The following EPC1 variants were observed in gnomAD, a reference collection of about 807,000 sequenced individuals.
EPC1 encodes enhancer of polycomb 1.
Under a neutral mutation model 98.4 loss-of-function variants are expected in EPC1, and 12 were observed. The observed-to-expected ratio is 0.12, with a 90% CI of 0.08 to 0.20. The LOEUF is 0.20. Ranked by LOEUF, EPC1 falls within the 10% of genes least tolerant of loss-of-function variation. EPC1 has a pLI of 1.00. For missense variants in EPC1, 729 were observed against 990.5 expected (o/e 0.74, Z 3.54); for synonymous variants, 357 against 363.9 (o/e 0.98, Z 0.21).
chr10:32,355,836 C>A (rs969077366), intron 1 of EPC1, among the ~76,000 whole-genome samples: 1 of 152,146 alleles, frequency 6.6e-6, no homozygotes, highest in African/African-American at 2.4e-5. Flanking sequence ...GTCTTGAACT[C>A]CAGACCGCAG....
chr10:32,346,558 G>A (rs1413870668), intron 1 of EPC1: 1 of 576,406 alleles, frequency 1.7e-6, no homozygotes, highest in South Asian at 2.0e-5. Flanking sequence ...CAGGGTCAGC[G>A]GGTGGCCTTA....
chr10:32,271,755 G>C lies in EPC1; in HGVS notation c.2168C>G (p.Thr723Arg). The change falls in exon 13 of 14, where the codon ACA (threonine) becomes AGA (arginine). Residue 723 changes from threonine to arginine, a missense_variant. Thr to Arg is a moderately conservative substitution (Grantham distance 71). Coordinates refer to ENST00000319778, the MANE Select transcript of EPC1 (RefSeq NM_001272004.3). ...SHQVTAANSATTQVLIGNNIR... is the reference protein window; with the variant it reads ...SHQVTAANSARTQVLIGNNIR... Reference sequence around the variant, plus strand: ...GTTGTTCCCAATCAGAACCTGAGTTGTTGCAGAATTGGCAGCAGTTACTTG... The same window carrying C: ...GTTGTTCCCAATCAGAACCTGAGTTCTTGCAGAATTGGCAGCAGTTACTTG... 6.2e-7 allele frequency: 1 copy of C among 1,614,188 alleles called. No individual in the cohort carries two copies. The highest frequency in any genetic ancestry group is 8.5e-7 in the Non-Finnish European group (1 of 1,180,034).
upstream of EPC1, chr10:32,347,307 C>T (rs1196758645): frequency 1.5e-6 from 1 of 649,564 alleles, no homozygotes; most frequent in South Asian, 7.1e-5. Flanking sequence ...CCTCGCTTCC[C>T]GCGCCTCGCT....
At chr10:32,314,622 C>A (rs186397491) in intron 1 of EPC1, among the ~76,000 whole-genome samples, 1 of 152,272 alleles carries the variant, frequency 6.6e-6, no homozygotes, top group East Asian at 1.9e-4. Flanking sequence ...AAAAACATTG[C>A]CTTTTCAGGT....
intron 1 of EPC1, among the ~76,000 whole-genome samples, chr10:32,364,800 A>G (rs1047911583): frequency 4.6e-5 from 7 of 152,156 alleles, no homozygotes; most frequent in East Asian, 1.9e-4. Context: ...CCAACCTGCA[A>G]CCTTCCAACC....
At chr10:32,272,666 GA>G (rs1402261109) in intron 11 of EPC1, among the ~76,000 whole-genome samples, 3 of 152,164 alleles carry the variant, frequency 2.0e-5, no homozygotes, top group Non-Finnish European at 4.4e-5. Flanking sequence ...ATTTAACCTA[GA>G]AATTGATAGG....
chr10:32,282,920 T>A (rs955568273), intron 10 of EPC1: 9 of 152,140 alleles, frequency 5.9e-5, no homozygotes, highest in Non-Finnish European at 2.9e-5. Context: ...ATACTAACAC[T>A]ATAAGTAAGT....
chr10:32,296,732 C>T (rs1835184998), intron 2 of EPC1, among the ~76,000 whole-genome samples: 1 of 152,090 alleles, frequency 6.6e-6, no homozygotes, highest in Admixed American at 6.6e-5. Flanking sequence ...CACGGTGAAA[C>T]CCTATCTCTA....
intron 1 of EPC1, among the ~76,000 whole-genome samples, chr10:32,367,792 A>G (rs930173330): frequency 1.3e-5 from 2 of 152,260 alleles, no homozygotes; most frequent in African/African-American, 4.8e-5. Flanking sequence ...TCAAATAAAC[A>G]GCAGTGCCAT....
At chr10:32,350,230 A>G (rs182182030), upstream of EPC1, among the ~76,000 whole-genome samples, 6 of 152,370 alleles carry the variant, frequency 3.9e-5, no homozygotes, top group East Asian at 1.2e-3. Flanking sequence ...TGTCACAAAT[A>G]TGTATTGGAT....
chr10:32,358,957 G>A (rs774469047), intron 1 of EPC1, among the ~76,000 whole-genome samples: 1 of 152,168 alleles, frequency 6.6e-6, no homozygotes, highest in African/African-American at 2.4e-5. Flanking sequence ...TCCTCTTTAA[G>A]ATAGGTAGAG....
upstream of EPC1, among the ~76,000 whole-genome samples, chr10:32,348,861 C>T (rs772117039): frequency 6.6e-6 from 1 of 152,090 alleles, no homozygotes; most frequent in African/African-American, 2.4e-5. Context: ...GGCGCCCAAC[C>T]CAGGAGAGTA....
chr10:32,364,075 C>T (rs541926999), intron 1 of EPC1, among the ~76,000 whole-genome samples: 31 of 116,618 alleles, frequency 2.7e-4, no homozygotes, highest in South Asian at 1.2e-3. Flanking sequence ...AGTGCAATGG[C>T]GTGATCTCGG....
chr10:32,319,280 ATTC>A (rs1239108734), intron 1 of EPC1, among the ~76,000 whole-genome samples: 2 of 152,222 alleles, frequency 1.3e-5, no homozygotes, highest in Admixed American at 6.5e-5. Flanking sequence ...CTGGAAAAAA[ATTC>A]TTGATAGAGA....
intron 1 of EPC1, among the ~76,000 whole-genome samples, chr10:32,315,107 G>C (rs1485589375): frequency 6.6e-6 from 1 of 152,196 alleles, no homozygotes; most frequent in Non-Finnish European, 1.5e-5. Flanking sequence ...TCCTTCAAAA[G>C]ATGTATTCTC....
Position 32,346,971 on chromosome 10 carries a change from C to G in EPC1, c.-56G>C, listed in dbSNP as rs1342802336. On this transcript the variant is annotated 5_prime_UTR_variant, in exon 1 of 14. It removes an upstream start codon present in the reference 5' UTR. Transcript: ENST00000319778. ...GGGAAACGGCCCCGGCCAGCGGGAT[C>G]ATGGAGAACCGGGGGTTCGGTCCCC... The G allele has an allele frequency of 6.3e-7, 1 of 1,597,032 alleles. No homozygotes were observed. Among genetic ancestry groups the G allele is most frequent in the Non-Finnish European group, 8.5e-7 (1 of 1,176,470 alleles).
upstream of EPC1, among the ~76,000 whole-genome samples, chr10:32,350,559 G>C (rs1017708190): frequency 6.6e-6 from 1 of 152,194 alleles, no homozygotes; most frequent in Admixed American, 6.5e-5. Context: ...TTGAGGATGA[G>C]GAGGTTTATT....
intron 1 of EPC1, among the ~76,000 whole-genome samples, chr10:32,319,765 C>T (rs1836775931): frequency 6.6e-6 from 1 of 152,186 alleles, no homozygotes; most frequent in Admixed American, 6.5e-5. Context: ...CAACCCCCAC[C>T]TCCTGGGTTC....
At chr10:32,316,423 G>T (rs1836550571) in intron 1 of EPC1, among the ~76,000 whole-genome samples, 1 of 152,138 alleles carries the variant, frequency 6.6e-6, no homozygotes, top group South Asian at 2.1e-4. Context: ...CCACTCAAAT[G>T]TCCACCAAAA....
Sources: gnomAD v4.1 joint callset for allele counts (sites outside exome capture counted in the v4.1 genomes callset) on GRCh38, gnomAD v4.1.1 for gene constraint, MANE v1.5 for transcripts, NCBI Gene and HGNC (gene_info 2026-07-23, HGNC 2026-07-21) for gene names.